Variants in OR1J2 observed in about 807,000 individuals in gnomAD.
The protein encoded by OR1J2 is olfactory receptor family 1 subfamily J member 2.
For synonymous variants in OR1J2, 142 were observed against 99.7 expected, an observed-to-expected ratio of 1.42 and a Z score of -2.52; for missense variants, 304 against 246.1, an observed-to-expected ratio of 1.24 and a Z score of -1.57.
At chr9:122,468,901 C>G in the OR1J2 span, among the ~76,000 whole-genome samples, 1 of 152,222 alleles carries the variant, frequency 6.6e-6, no homozygotes, top group South Asian at 2.1e-4. Context: ...CTGGACCTCT[C>G]CATCAGATGA....
chr9:122,479,222 A>T, the OR1J2 span, among the ~76,000 whole-genome samples: 1 of 152,176 alleles, frequency 6.6e-6, no homozygotes, highest in African/African-American at 2.4e-5. Flanking sequence ...GAGATTTCAC[A>T]TTCAGTGGAT....
At chr9:122,532,267 T>C in the OR1J2 span, among the ~76,000 whole-genome samples, 8 of 152,080 alleles carry the variant, frequency 5.3e-5, no homozygotes, top group Admixed American at 2.0e-4. Flanking sequence ...GTTATTTCCT[T>C]GAGGATAGAT....
chr9:122,559,350 T>C, the OR1J2 span, among the ~76,000 whole-genome samples: 1,242 of 152,208 alleles, frequency 8.2e-3, 15 homozygotes, highest in African/African-American at 0.029. Flanking sequence ...ATGTGCAGAA[T>C]GTGCAGGTTT....
chr9:122,512,141 G>A (rs1828649141), downstream of OR1J2, among the ~76,000 whole-genome samples: 1 of 152,164 alleles, frequency 6.6e-6, no homozygotes, highest in Non-Finnish European at 1.5e-5. Flanking sequence ...TGTAGACTGA[G>A]TGGTATCATT....
the OR1J2 span, among the ~76,000 whole-genome samples, chr9:122,572,147 T>C: frequency 3.6e-4 from 55 of 152,162 alleles, no homozygotes; most frequent in Non-Finnish European, 7.5e-4. Context: ...AACATGATAC[T>C]AGCACCAGTG....
At chr9:122,470,462 G>C in the OR1J2 span, among the ~76,000 whole-genome samples, 1 of 152,378 alleles carries the variant, frequency 6.6e-6, no homozygotes, top group Admixed American at 6.5e-5. Flanking sequence ...GCAGAAGTTT[G>C]CTGCAGGGGT....
chr9:122,540,413 A>T, the OR1J2 span, among the ~76,000 whole-genome samples: 1 of 152,182 alleles, frequency 6.6e-6, no homozygotes, highest in Non-Finnish European at 1.5e-5. Flanking sequence ...TTTGTCAAAG[A>T]TCAGATAGTT....
At chr9:122,477,124 T>G in the OR1J2 span, 1 of 1,614,018 alleles carries the variant, frequency 6.2e-7, no homozygotes, top group Non-Finnish European at 8.5e-7. Context: ...GTTCTTGTCA[T>G]TGGTGTTGCT....
the OR1J2 span, among the ~76,000 whole-genome samples, chr9:122,565,565 G>A: frequency 6.6e-6 from 1 of 152,162 alleles, no homozygotes; most frequent in Non-Finnish European, 1.5e-5. Context: ...CCAACGCTGA[G>A]CCCCCCAATG....
chr9:122,544,444 G>T, the OR1J2 span, among the ~76,000 whole-genome samples: 1 of 120,718 alleles, frequency 8.3e-6, no homozygotes. Context: ...TTTTGAGATG[G>T]AGTTTCACTC....
At chr9:122,490,520 AGTAGGCTT>A in the OR1J2 span, among the ~76,000 whole-genome samples, 1 of 152,166 alleles carries the variant, frequency 6.6e-6, no homozygotes, top group African/African-American at 2.4e-5. Flanking sequence ...CAGAACAGCA[AGTAGGCTT>A]GTAGAAAGTT....
chr9:122,552,097 A>T, the OR1J2 span, among the ~76,000 whole-genome samples: 1 of 144,014 alleles, frequency 6.9e-6, no homozygotes, highest in Non-Finnish European at 1.5e-5. Context: ...ACACACATAT[A>T]CACCTTCCTT....
the OR1J2 span, among the ~76,000 whole-genome samples, chr9:122,494,000 C>T: frequency 6.6e-6 from 1 of 152,062 alleles, no homozygotes; most frequent in Admixed American, 6.6e-5. Context: ...TTAAGGTTTC[C>T]TTTTGGAGTT....
At chr9:122,466,177 C>G in the OR1J2 span, among the ~76,000 whole-genome samples, 1 of 151,998 alleles carries the variant, frequency 6.6e-6, no homozygotes, top group Non-Finnish European at 1.5e-5. Context: ...CAAGAATACC[C>G]CAAAAGACTA....
At chr9:122,483,252 T>C in the OR1J2 span, among the ~76,000 whole-genome samples, 1 of 152,148 alleles carries the variant, frequency 6.6e-6, no homozygotes, top group Non-Finnish European at 1.5e-5. Flanking sequence ...GATGTATTTC[T>C]CCATAGATGC....
chr9:122,492,572 CA>C, the OR1J2 span, among the ~76,000 whole-genome samples: 1 of 152,154 alleles, frequency 6.6e-6, no homozygotes, highest in Non-Finnish European at 1.5e-5. Context: ...GAGAAATCTA[CA>C]AAGTGCTTTC....
chr9:122,553,404 T>C, the OR1J2 span: 7 of 1,614,054 alleles, frequency 4.3e-6, no homozygotes, highest in Non-Finnish European at 5.1e-6. Flanking sequence ...CATGTACTTC[T>C]TTCTGGCCAA....
At chr9:122,478,225 C>T in the OR1J2 span, among the ~76,000 whole-genome samples, 6 of 152,166 alleles carry the variant, frequency 3.9e-5, no homozygotes, top group Non-Finnish European at 8.8e-5. Context: ...GTAAGTGATT[C>T]AATAGCCTTC....
chr9:122,526,543 C>A, the OR1J2 span: 1 of 1,610,710 alleles, frequency 6.2e-7, no homozygotes, highest in African/African-American at 1.3e-5. Context: ...AAGAGGGTCC[C>A]ATAGAACACA....
Sources: gnomAD v4.1 joint callset for allele counts (sites outside exome capture counted in the v4.1 genomes callset) on GRCh38, gnomAD v4.1.1 for gene constraint, MANE v1.5 for transcripts, NCBI Gene and HGNC (gene_info 2026-07-23, HGNC 2026-07-21) for gene names.